EXT1: variants seen among roughly 807,000 people sequenced by gnomAD.
The protein encoded by EXT1 is exostosin-1.
EXT1 carries 20 observed loss-of-function variants against 82.5 expected under a neutral mutation model. The observed-to-expected ratio is 0.24, with a 90% CI of 0.17 to 0.35. EXT1 has a LOEUF of 0.35. Among genes scored for constraint, EXT1 ranks in the 10% least tolerant of loss-of-function variants. The pLI is 1.00. For synonymous variants in EXT1, 348 were observed against 350.8 expected, an observed-to-expected ratio of 0.99 and a Z score of 0.09; for missense variants, 757 against 936.5, an observed-to-expected ratio of 0.81 and a Z score of 2.50.
intron 1 of EXT1, among the ~76,000 whole-genome samples, chr8:118,101,935 G>C (rs1817725957): frequency 6.7e-6 from 1 of 149,886 alleles, no homozygotes; most frequent in South Asian, 2.1e-4. Flanking sequence ...ACCCATTACA[G>C]ACTATTTCTA....
At chr8:117,823,018 A>G (rs10111197) in intron 4 of EXT1, among the ~76,000 whole-genome samples, 13,595 of 152,180 alleles carry the variant, frequency 0.089, 764 homozygotes, top group African/African-American at 0.16. Flanking sequence ...TGTAGATGCT[A>G]AACGGAAAGC....
intron 1 of EXT1, among the ~76,000 whole-genome samples, chr8:118,056,111 TA>T (rs915072538): frequency 2.0e-5 from 3 of 152,236 alleles, no homozygotes; most frequent in Non-Finnish European, 4.4e-5. Context: ...TAATGTTTTT[TA>T]AAAGTTTACG....
intron 1 of EXT1, among the ~76,000 whole-genome samples, chr8:118,083,972 T>G (rs1216287793): frequency 1.3e-5 from 2 of 152,150 alleles, no homozygotes; most frequent in African/African-American, 4.8e-5. Context: ...GAGGCTGTAG[T>G]GAGCCAAGAT....
At chr8:117,940,029 G>T (rs1814242532) in intron 1 of EXT1, among the ~76,000 whole-genome samples, 1 of 152,126 alleles carries the variant, frequency 6.6e-6, no homozygotes, top group Non-Finnish European at 1.5e-5. Flanking sequence ...ATGATTCTTG[G>T]GTCCACCATG....
intron 1 of EXT1, among the ~76,000 whole-genome samples, chr8:118,054,112 A>G (rs1428900840): frequency 1.3e-5 from 2 of 152,200 alleles, no homozygotes; most frequent in East Asian, 1.9e-4. Flanking sequence ...CCAGACCACA[A>G]TATCAATAAT....
intron 1 of EXT1, among the ~76,000 whole-genome samples, chr8:117,926,801 T>G (rs1245080521): frequency 6.6e-6 from 1 of 152,226 alleles, no homozygotes; most frequent in Admixed American, 6.5e-5. Flanking sequence ...ATTTACCTTC[T>G]ATTTGGATGG....
intron 1 of EXT1, among the ~76,000 whole-genome samples, chr8:118,065,695 G>C (rs1244285614): frequency 6.6e-6 from 1 of 152,182 alleles, no homozygotes; most frequent in Non-Finnish European, 1.5e-5. Flanking sequence ...GGTAGTTTTA[G>C]TCATTCACAT....
intron 1 of EXT1, among the ~76,000 whole-genome samples, chr8:117,982,339 A>G (rs1040241005): frequency 1.1e-4 from 17 of 152,040 alleles, no homozygotes; most frequent in South Asian, 2.1e-4. Flanking sequence ...CCTTCCCCCA[A>G]TCGTCAAAGC....
At chr8:118,070,473 A>C (rs896800350) in intron 1 of EXT1, among the ~76,000 whole-genome samples, 2 of 152,246 alleles carry the variant, frequency 1.3e-5, no homozygotes, top group African/African-American at 4.8e-5. Flanking sequence ...TAAAACTATC[A>C]GAAGGTGAGA....
At chr8:117,999,726 T>G (rs1815620160) in intron 1 of EXT1, among the ~76,000 whole-genome samples, 1 of 152,140 alleles carries the variant, frequency 6.6e-6, no homozygotes. Flanking sequence ...GCCTGATTTG[T>G]ATTGTTTTCT....
At chr8:118,107,668 CA>C (rs1203427363) in intron 1 of EXT1, among the ~76,000 whole-genome samples, 18 of 152,138 alleles carry the variant, frequency 1.2e-4, no homozygotes, top group Admixed American at 1.1e-3. Flanking sequence ...AGCGTATCTC[CA>C]AATTTGAGAG....
At chr8:118,013,358 G>C (rs146477376) in intron 1 of EXT1, among the ~76,000 whole-genome samples, 1 of 152,074 alleles carries the variant, frequency 6.6e-6, no homozygotes. Flanking sequence ...ACAGGAGCCC[G>C]TCACTGCGCC....
intron 1 of EXT1, among the ~76,000 whole-genome samples, chr8:117,993,605 A>G (rs1586330722): frequency 6.6e-6 from 1 of 152,346 alleles, no homozygotes; most frequent in East Asian, 1.9e-4. Flanking sequence ...TACACAGAAC[A>G]ACACCAGAAA....
chr8:118,096,905 T>C (rs1018648135), intron 1 of EXT1, among the ~76,000 whole-genome samples: 1 of 152,152 alleles, frequency 6.6e-6, no homozygotes, highest in African/African-American at 2.4e-5. Context: ...ATATACCATA[T>C]CAACAGTAGT....
intron 1 of EXT1, among the ~76,000 whole-genome samples, chr8:117,885,546 C>G (rs1813133927): frequency 6.8e-6 from 1 of 146,406 alleles, no homozygotes; most frequent in African/African-American, 2.5e-5. Flanking sequence ...ATCTTTGAGA[C>G]ACAGTGATGA....
At chr8:117,809,437 G>T (rs1237297927) in intron 8 of EXT1, among the ~76,000 whole-genome samples, 4 of 151,442 alleles carry the variant, frequency 2.6e-5, no homozygotes, top group African/African-American at 7.3e-5. Flanking sequence ...AGGAGTTTGA[G>T]ACCAGCTTGG....
rs1813014859 is a variant in EXT1 at position 117,878,913 on chromosome 8, ACTT to A, written c.963-41715_963-41713del. ...GAGGGTTGGCTGTGGGCTATGCTCC[ACTT>A]CTTCATGGTGAGACCCACGCTGTAG... On this transcript the variant is annotated intron_variant, in intron 1 of 10. Transcript: ENST00000378204. Among the ~76,000 whole-genome samples, 3 of 152,232 alleles carry A rather than the reference ACTT, an allele frequency of 2.0e-5. No individual in the cohort carries two copies. In the South Asian group the frequency reaches 6.2e-4, roughly 32 times the overall value.
chr8:117,874,022 A>C (rs2129901459), intron 1 of EXT1, among the ~76,000 whole-genome samples: 1 of 152,276 alleles, frequency 6.6e-6, no homozygotes, highest in Non-Finnish European at 1.5e-5. Context: ...AACATACTTT[A>C]ATCCTTTTCA....
intron 1 of EXT1, among the ~76,000 whole-genome samples, chr8:118,080,952 C>T (rs1398795388): frequency 6.6e-6 from 1 of 152,096 alleles, no homozygotes. Context: ...ACCATTAACT[C>T]TTTTGGAGGG....
Sources: gnomAD v4.1 joint callset for allele counts (sites outside exome capture counted in the v4.1 genomes callset) on GRCh38, gnomAD v4.1.1 for gene constraint, MANE v1.5 for transcripts, NCBI Gene and HGNC (gene_info 2026-07-23, HGNC 2026-07-21) for gene names.